Variants in TMEM131L observed in about 807,000 individuals in gnomAD.
TMEM131L encodes transmembrane protein 131-like.
Under a neutral mutation model 192.2 loss-of-function variants are expected in TMEM131L, and 54 were observed. That is an observed-to-expected ratio of 0.28 (90% CI 0.23 to 0.35). TMEM131L has a LOEUF of 0.35. Ranked by LOEUF, TMEM131L falls within the 10% of genes least tolerant of loss-of-function variation. TMEM131L has a pLI of 1.00. For missense variants in TMEM131L, 1,888 were observed against 1,972.9 expected, an observed-to-expected ratio of 0.96 and a Z score of 0.82; for synonymous variants, 701 against 704.9, an observed-to-expected ratio of 0.99 and a Z score of 0.09.
intron 29 of TMEM131L, among the ~76,000 whole-genome samples, chr4:153,624,011 T>C (rs1733642347): frequency 6.6e-6 from 1 of 152,204 alleles, no homozygotes; most frequent in Non-Finnish European, 1.5e-5. Flanking sequence ...TACATTCATA[T>C]ATCCATCAAC....
intron 18 of TMEM131L, among the ~76,000 whole-genome samples, chr4:153,593,098 C>T (rs1022863840): frequency 2.0e-5 from 3 of 152,184 alleles, no homozygotes; most frequent in Non-Finnish European, 4.4e-5. Flanking sequence ...GGTTTGGAAC[C>T]TGCAGATGCA....
intron 3 of TMEM131L, among the ~76,000 whole-genome samples, chr4:153,489,315 T>C (rs1004801241): frequency 1.3e-5 from 2 of 152,160 alleles, no homozygotes; most frequent in Non-Finnish European, 2.9e-5. Context: ...AGCTTTGGAC[T>C]CCTGGGCTCC....
chr4:153,588,640 A>G (rs890592007), intron 15 of TMEM131L, among the ~76,000 whole-genome samples: 2 of 152,106 alleles, frequency 1.3e-5, no homozygotes, highest in Non-Finnish European at 2.9e-5. Context: ...TTCATGAGCC[A>G]TGTGTCTTTT....
intron 4 of TMEM131L, among the ~76,000 whole-genome samples, chr4:153,553,585 G>A (rs909203379): frequency 1.3e-5 from 2 of 151,992 alleles, no homozygotes; most frequent in African/African-American, 4.8e-5. Context: ...TAGCCTGAGG[G>A]TTCTCCTCCT....
intron 26 of TMEM131L, among the ~76,000 whole-genome samples, chr4:153,619,466 G>A (rs1316207481): frequency 6.6e-6 from 1 of 152,142 alleles, no homozygotes; most frequent in Admixed American, 6.5e-5. Context: ...TAACTTGTCA[G>A]GTTTTTAAAA....
At chr4:153,608,501 C>T (rs114054989) in intron 25 of TMEM131L, among the ~76,000 whole-genome samples, 3,277 of 152,184 alleles carry the variant, frequency 0.022, 89 homozygotes, top group African/African-American at 0.058. Context: ...TATGGTTGGC[C>T]GCAGCACTAC....
intron 3 of TMEM131L, among the ~76,000 whole-genome samples, chr4:153,533,348 G>A (rs973319424): frequency 1.4e-4 from 21 of 152,216 alleles, no homozygotes; most frequent in Admixed American, 1.3e-3. Flanking sequence ...GGGGGACTGC[G>A]TGTGGGAGTG....
At chr4:153,515,046 AGGTGATCCACCT>A (rs1734636495) in intron 3 of TMEM131L, among the ~76,000 whole-genome samples, 1 of 152,056 alleles carries the variant, frequency 6.6e-6, no homozygotes, top group African/African-American at 2.4e-5. Flanking sequence ...TCCCGACCTC[AGGTGATCCACCT>A]GCCTCGGCCT....
rs369454589 is a variant in TMEM131L at position 153,567,251 on chromosome 4, G to A, written c.660+8883G>A. 3.9e-5 allele frequency among the ~76,000 whole-genome samples: 6 copies of A among 152,212 alleles called. No homozygotes were observed. In the East Asian group the frequency reaches 7.7e-4, roughly 19 times the overall value. ...AAAAGAGATAACAGAGAAAGGTTAAGGGTCTTTAGAGCTGTCCCATTTTCC... is the reference window on the plus strand; with the variant it reads ...AAAAGAGATAACAGAGAAAGGTTAAAGGTCTTTAGAGCTGTCCCATTTTCC... On this transcript the variant is annotated intron_variant, in intron 7 of 34. Transcript: ENST00000409959.
At position 153,625,650 on chromosome 4, in the gene TMEM131L, G is replaced by T. The variant is rs12645162; in HGVS notation, c.4046-497G>T. On this transcript the variant is annotated intron_variant, in intron 29 of 34. Coordinates refer to ENST00000409959, the MANE Select transcript of TMEM131L (RefSeq NM_001131007.2). ...TATACATATACACACACATAAAGGAGACTGTAAAGAACTTTGGGAGGCCGA... is the reference window on the plus strand; with the variant it reads ...TATACATATACACACACATAAAGGATACTGTAAAGAACTTTGGGAGGCCGA... 2.6e-5 allele frequency among the ~76,000 whole-genome samples: 4 copies of T among 152,008 alleles called. No homozygotes were observed. The East Asian group carries it at 7.7e-4, about 29-fold the overall frequency.
chr4:153,476,648 G>C (rs1731560134), intron 3 of TMEM131L, among the ~76,000 whole-genome samples: 1 of 152,078 alleles, frequency 6.6e-6, no homozygotes, highest in Admixed American at 6.5e-5. Flanking sequence ...AGTGAGCTGA[G>C]ATCGCACCAC....
intron 6 of TMEM131L, among the ~76,000 whole-genome samples, chr4:153,557,702 A>G (rs1019372735): frequency 1.3e-5 from 2 of 152,260 alleles, no homozygotes; most frequent in African/African-American, 2.4e-5. Context: ...ACTGGATTCC[A>G]TTAAAGAGGT....
chr4:153,616,485 C>T (rs929899148), intron 26 of TMEM131L, among the ~76,000 whole-genome samples: 4 of 152,176 alleles, frequency 2.6e-5, no homozygotes, highest in South Asian at 2.1e-4. Context: ...CTGTATAATA[C>T]ACGTGGAACA....
At chr4:153,514,851 C>G (rs951753478) in intron 3 of TMEM131L, among the ~76,000 whole-genome samples, 1 of 151,634 alleles carries the variant, frequency 6.6e-6, no homozygotes, top group Non-Finnish European at 1.5e-5. Flanking sequence ...CTCGCTCTGT[C>G]CCCCAGGCTG....
intron 7 of TMEM131L, among the ~76,000 whole-genome samples, chr4:153,577,036 G>A (rs1356346594): frequency 6.6e-6 from 1 of 152,206 alleles, no homozygotes; most frequent in African/African-American, 2.4e-5. Context: ...AGGTCAGGTA[G>A]AAGTTGCTGT....
intron 4 of TMEM131L, among the ~76,000 whole-genome samples, chr4:153,552,928 G>T (rs905533623): frequency 1.4e-5 from 2 of 144,092 alleles, no homozygotes; most frequent in Non-Finnish European, 3.0e-5. Context: ...CTTTTTTCTT[G>T]TGTTGTTATT....
At chr4:153,589,406 T>G (rs1001248196) in intron 16 of TMEM131L, among the ~76,000 whole-genome samples, 12 of 152,156 alleles carry the variant, frequency 7.9e-5, no homozygotes, top group African/African-American at 2.4e-4. Flanking sequence ...ACAGTTGACC[T>G]GATGACTGAG....
intron 13 of TMEM131L, 128 bp downstream of exon 13, chr4:153,585,739 A>C (rs772225076): frequency 2.0e-5 from 11 of 557,728 alleles, no homozygotes; most frequent in Admixed American, 4.2e-5. Context: ...ATTTATATAA[A>C]ATTTTATGAT....
chr4:153,618,815 C>T (rs563672356), intron 26 of TMEM131L, among the ~76,000 whole-genome samples: 2 of 152,244 alleles, frequency 1.3e-5, no homozygotes, highest in Admixed American at 6.5e-5. Flanking sequence ...CTTTGCTCTT[C>T]CTCGGATTTC....
Sources: gnomAD v4.1 joint callset for allele counts (sites outside exome capture counted in the v4.1 genomes callset) on GRCh38, gnomAD v4.1.1 for gene constraint, MANE v1.5 for transcripts, NCBI Gene and HGNC (gene_info 2026-07-23, HGNC 2026-07-21) for gene names.